Variants in EPHB2 observed in about 807,000 individuals in gnomAD.
The protein encoded by EPHB2 is ephrin type-B receptor 2.
Under a neutral mutation model 96.4 loss-of-function variants are expected in EPHB2, and 18 were observed. The ratio of observed to expected loss-of-function variants is 0.19; its 90% CI spans 0.13 to 0.28. The LOEUF (loss-of-function observed/expected upper bound fraction) is 0.28. Ranked by LOEUF, EPHB2 falls within the 10% of genes least tolerant of loss-of-function variation. EPHB2 has a pLI of 1.00. For missense variants in EPHB2, 989 were observed against 1,355.4 expected (o/e 0.73, Z 4.25); for synonymous variants, 506 against 534.1 (o/e 0.95, Z 0.72).
chr1:22,879,914 G>A (rs960878719), intron 5 of EPHB2, among the ~76,000 whole-genome samples: 31 of 152,232 alleles, frequency 2.0e-4, no homozygotes, highest in Admixed American at 2.6e-4. Flanking sequence ...CATCAGGGCC[G>A]CATGGACCAG....
chr1:22,879,719 C>T (rs1638969731), intron 5 of EPHB2, among the ~76,000 whole-genome samples: 1 of 152,206 alleles, frequency 6.6e-6, no homozygotes, highest in African/African-American at 2.4e-5. Context: ...TGAGATGCTG[C>T]AAGTCCATGC....
intron 3 of EPHB2, among the ~76,000 whole-genome samples, chr1:22,793,313 C>A (rs968866315): frequency 6.6e-6 from 1 of 152,150 alleles, no homozygotes; most frequent in Admixed American, 6.5e-5. Context: ...GCCCTCCGTA[C>A]CGTCCCTCGG....
chr1:22,903,058 G>C (rs1271281448), intron 9 of EPHB2, among the ~76,000 whole-genome samples: 1 of 152,226 alleles, frequency 6.6e-6, no homozygotes, highest in African/African-American at 2.4e-5. Flanking sequence ...GGAGCAGGGA[G>C]CTGGAAGTGA....
intron 3 of EPHB2, among the ~76,000 whole-genome samples, chr1:22,795,125 C>G (rs890156512): frequency 6.6e-6 from 1 of 152,152 alleles, no homozygotes; most frequent in African/African-American, 2.4e-5. Context: ...TCACTCCCCC[C>G]ACCCTAAGCC....
intron 1 of EPHB2, among the ~76,000 whole-genome samples, chr1:22,775,770 C>T (rs1195628361): frequency 1.3e-5 from 2 of 152,260 alleles, no homozygotes; most frequent in African/African-American, 4.8e-5. Context: ...AAGTCACTCC[C>T]ATGGCTGGGC....
At chr1:22,857,963 T>C (rs1412210402) in intron 3 of EPHB2, among the ~76,000 whole-genome samples, 1 of 152,132 alleles carries the variant, frequency 6.6e-6, no homozygotes, top group Middle Eastern at 3.2e-3. Context: ...TACAAACCGT[T>C]TTCTAATATA....
intron 1 of EPHB2, among the ~76,000 whole-genome samples, chr1:22,770,083 ATAG>A (rs1644357929): frequency 1.3e-5 from 2 of 152,052 alleles, no homozygotes; most frequent in South Asian, 4.2e-4. Flanking sequence ...GATTTGACGA[ATAG>A]ATGGATGGAT....
chr1:22,888,820 TC>T (rs1639305420), intron 6 of EPHB2, among the ~76,000 whole-genome samples: 1 of 152,094 alleles, frequency 6.6e-6, no homozygotes, highest in Admixed American at 6.6e-5. Flanking sequence ...GAAGGGTCTT[TC>T]CCAAGGTCAC....
rs770789807 is a variant in EPHB2, at chr1:22,842,904, GC to G, written c.812-20131del. On this transcript the variant is annotated intron_variant, in intron 3 of 15. Transcript: ENST00000374630. ...GCTCAGATGCCACATCCTCAGAGAAGCCTCCTCTGACCACCAGCCAAAGCAG... is the reference window on the plus strand; with the variant it reads ...GCTCAGATGCCACATCCTCAGAGAAGCTCCTCTGACCACCAGCCAAAGCAG... Among the ~76,000 whole-genome samples, 53 of 151,974 alleles carry G rather than the reference GC, an allele frequency of 3.5e-4. No homozygotes were observed. The Middle Eastern group carries it at 0.014, about 39-fold the overall frequency.
chr1:22,782,685 C>A (rs1644552305), intron 2 of EPHB2, among the ~76,000 whole-genome samples: 1 of 152,104 alleles, frequency 6.6e-6, no homozygotes, highest in South Asian at 2.1e-4. Flanking sequence ...GGGAGAAAGG[C>A]AGAGTGCTCT....
intron 3 of EPHB2, among the ~76,000 whole-genome samples, chr1:22,853,652 C>T (rs750789817): frequency 1.3e-5 from 2 of 152,270 alleles, no homozygotes; most frequent in Non-Finnish European, 2.9e-5. Context: ...GCAGAGGGAA[C>T]TGCCTGAGCA....
At chr1:22,836,860 G>C (rs1392742938) in intron 3 of EPHB2, 4 of 152,252 alleles carry the variant, frequency 2.6e-5, no homozygotes. Flanking sequence ...CTGGGGAAAC[G>C]GAGGAGAAGA....
chr1:22,823,875 G>A (rs982647698), intron 3 of EPHB2, among the ~76,000 whole-genome samples: 6 of 152,234 alleles, frequency 3.9e-5, no homozygotes, highest in African/African-American at 1.4e-4. Flanking sequence ...GCGATTGGTA[G>A]GCAGGTGGAA....
chr1:22,866,153 T>C (rs1276998194), intron 5 of EPHB2, among the ~76,000 whole-genome samples: 1 of 152,138 alleles, frequency 6.6e-6, no homozygotes, highest in Non-Finnish European at 1.5e-5. Flanking sequence ...ATGCTATCTG[T>C]GGGTAGAAGA....
intron 5 of EPHB2, 83 bp from the exon 6 acceptor site, chr1:22,882,276 C>T: frequency 6.3e-7 from 1 of 1,591,840 alleles, no homozygotes; most frequent in Admixed American, 1.7e-5. Flanking sequence ...CAGTGCCCCA[C>T]CTGTCCGAGT....
chr1:22,728,970 G>A (rs563792644), intron 1 of EPHB2, among the ~76,000 whole-genome samples: 3 of 152,326 alleles, frequency 2.0e-5, no homozygotes, highest in Admixed American at 6.5e-5. Context: ...AGCTGCACGC[G>A]GCGGGCCAGG....
At chr1:22,866,192 C>T (rs1244771702) in intron 5 of EPHB2, among the ~76,000 whole-genome samples, 1 of 152,138 alleles carries the variant, frequency 6.6e-6, no homozygotes, top group African/African-American at 2.4e-5. Flanking sequence ...GAGTGTGCCC[C>T]TCAGTTATTC....
chr1:22,711,713 C>A (rs920644791), intron 1 of EPHB2, among the ~76,000 whole-genome samples: 1 of 151,958 alleles, frequency 6.6e-6, no homozygotes, highest in Non-Finnish European at 1.5e-5. Context: ...GCACCCCCGC[C>A]GGCCACCGCC....
At chr1:22,747,376 G>A (rs1195181340) in intron 1 of EPHB2, among the ~76,000 whole-genome samples, 1 of 152,240 alleles carries the variant, frequency 6.6e-6, no homozygotes, top group African/African-American at 2.4e-5. Context: ...TTGCCCCCAG[G>A]TGGTGAAGTG....
Sources: allele counts gnomAD v4.1 joint callset (sites outside exome capture counted in the v4.1 genomes callset), GRCh38; gene constraint gnomAD v4.1.1; transcripts MANE v1.5; gene names NCBI Gene and HGNC (gene_info 2026-07-23, HGNC 2026-07-21).